NME5: variants seen among roughly 807,000 people sequenced by gnomAD.
NME5 encodes NME/NM23 family member 5.
A neutral mutation model predicts 21.6 loss-of-function variants in NME5; 18 were observed. The ratio of observed to expected loss-of-function variants is 0.83; its 90% CI spans 0.58 to 1.24. The LOEUF is 1.24. NME5 is among the 50% of genes most tolerant of loss of function. NME5 has a pLI of 0.00. For missense variants in NME5, 223 were observed against 255.4 expected (o/e 0.87, Z 0.86); for synonymous variants, 70 against 80.6 (o/e 0.87, Z 0.71).
At chr5:138,127,107 G>GA (rs1211215825) in intron 4 of NME5, among the ~76,000 whole-genome samples, 6 of 152,178 alleles carry the variant, frequency 3.9e-5, no homozygotes, top group Non-Finnish European at 7.4e-5. Context: ...ACTGCTTTGA[G>GA]AAAAAATATA....
At chr5:138,126,526 A>G (rs1210364218) in intron 4 of NME5, among the ~76,000 whole-genome samples, 3 of 150,274 alleles carry the variant, frequency 2.0e-5, no homozygotes, top group South Asian at 4.2e-4. Flanking sequence ...AAAAAAAAAA[A>G]AAAAAAAAAA....
At chr5:138,138,611 C>A (rs754952810) in intron 2 of NME5, 41 bp downstream of exon 2, 12 of 1,571,972 alleles carry the variant, frequency 7.6e-6, no homozygotes. Context: ...TTTTTAAGGG[C>A]AGAGAGGAAA....
chr5:138,117,204 C>CAAAAAAAAAAAAAAAA (rs34623624), intron 5 of NME5, among the ~76,000 whole-genome samples: 1 of 63,574 alleles, frequency 1.6e-5, no homozygotes, highest in Non-Finnish European at 2.8e-5. Flanking sequence ...GACCCTGTCT[C>CAAAAAAAAAAAAAAAA]AAAAAAAAAA....
chr5:138,131,107 C>T (rs1751554796), intron 2 of NME5, among the ~76,000 whole-genome samples: 1 of 149,834 alleles, frequency 6.7e-6, no homozygotes, highest in African/African-American at 2.5e-5. Flanking sequence ...TGACTCACGC[C>T]TGTAATCCCA....
intron 2 of NME5, among the ~76,000 whole-genome samples, chr5:138,133,534 G>A (rs964820733): frequency 2.0e-4 from 31 of 152,062 alleles, no homozygotes; most frequent in Middle Eastern, 3.2e-3. Context: ...GAACACACCC[G>A]ATCTCATCTG....
chr5:138,137,001 A>C (rs1377658005), intron 2 of NME5, among the ~76,000 whole-genome samples: 2 of 90,644 alleles, frequency 2.2e-5, no homozygotes, highest in Non-Finnish European at 5.0e-5. Context: ...AAGTCATAAC[A>C]AAAAAAAAAA....
chr5:138,128,711 A>C (rs1751490812), intron 3 of NME5, 132 bp from the exon 4 acceptor site: 1 of 587,558 alleles, frequency 1.7e-6, no homozygotes, highest in African/African-American at 1.9e-5. Context: ...ATTTATGTCA[A>C]ATTTAAGCTT....
intron 4 of NME5, among the ~76,000 whole-genome samples, chr5:138,123,942 T>C (rs1454242562): frequency 6.7e-6 from 1 of 148,272 alleles, no homozygotes. Context: ...TATCTCACCG[T>C]GGTTTTGATC....
At chr5:138,137,240 C>T (rs887474154) in intron 2 of NME5, among the ~76,000 whole-genome samples, 1 of 152,068 alleles carries the variant, frequency 6.6e-6, no homozygotes, top group African/African-American at 2.4e-5. Context: ...TTGTGCCATC[C>T]CTACTCTCGG....
At chr5:138,126,378 G>A (rs1751425299) in intron 4 of NME5, among the ~76,000 whole-genome samples, 1 of 151,638 alleles carries the variant, frequency 6.6e-6, no homozygotes, top group Admixed American at 6.6e-5. Context: ...AGGTGTGGTG[G>A]TGCACACCTG....
intron 2 of NME5, 108 bp from the exon 3 acceptor site, chr5:138,129,576 G>C: frequency 1.4e-6 from 1 of 710,050 alleles, no homozygotes; most frequent in Non-Finnish European, 2.4e-6. Flanking sequence ...ATAACTTCAA[G>C]GTTTATCTTT....
chr5:138,126,018 TAAGTA>T (rs778510651), intron 4 of NME5, among the ~76,000 whole-genome samples: 1 of 152,236 alleles, frequency 6.6e-6, no homozygotes, highest in Non-Finnish European at 1.5e-5. Flanking sequence ...CATCAACTGC[TAAGTA>T]AGAGGACGCT....
At chr5:138,132,658 G>T (rs759882243) in intron 2 of NME5, among the ~76,000 whole-genome samples, 1 of 152,136 alleles carries the variant, frequency 6.6e-6, no homozygotes, top group African/African-American at 2.4e-5. Flanking sequence ...CAGAAACTTG[G>T]TAAAATTGCT....
chr5:138,117,264 A>G (rs1406616251), intron 5 of NME5, among the ~76,000 whole-genome samples: 1 of 151,500 alleles, frequency 6.6e-6, no homozygotes, highest in Non-Finnish European at 1.5e-5. Context: ...CATAAAACAC[A>G]GGGGTAAATT....
At chr5:138,119,566 G>A (rs922982958) in intron 4 of NME5, among the ~76,000 whole-genome samples, 19 of 151,898 alleles carry the variant, frequency 1.3e-4, no homozygotes, top group African/African-American at 4.1e-4. Flanking sequence ...AACTCCTAAC[G>A]TCAAATAATC....
chr5:138,115,770 G>T lies in NME5; in HGVS notation c.556-6C>A, dbSNP rs2151155208. 1 of 1,549,050 alleles carries T rather than the reference G, an allele frequency of 6.5e-7. No homozygotes were observed. On this transcript the variant is annotated splice_polypyrimidine_tract_variant and splice_region_variant and intron_variant, in intron 5 of 5. Coordinates refer to ENST00000265191, the MANE Select transcript of NME5 (RefSeq NM_003551.3). ...AGCCAATCAGCTAGCCAAATCTATG[G>T]GAAAAAAAAAAACAACCTAAGTTAA...
chr5:138,128,649 A>G, intron 3 of NME5, 70 bp from the exon 4 acceptor site: 1 of 1,007,222 alleles, frequency 9.9e-7, no homozygotes, highest in South Asian at 1.6e-5. Context: ...CATGCATTCC[A>G]CTTAAGAATT....
At chr5:138,137,314 C>CTTTA (rs77202467) in intron 2 of NME5, among the ~76,000 whole-genome samples, 51,117 of 150,920 alleles carry the variant, frequency 0.34, 8,875 homozygotes, top group South Asian at 0.42. Context: ...GATATTTTCT[C>CTTTA]TTTATTTATT....
intron 4 of NME5, among the ~76,000 whole-genome samples, chr5:138,121,650 A>C (rs1193188218): frequency 6.6e-6 from 1 of 152,088 alleles, no homozygotes; most frequent in African/African-American, 2.4e-5. Flanking sequence ...CCAATAATCT[A>C]TATGTGTATC....
Sources: allele counts gnomAD v4.1 joint callset (sites outside exome capture counted in the v4.1 genomes callset), GRCh38; gene constraint gnomAD v4.1.1; transcripts MANE v1.5; gene names NCBI Gene and HGNC (gene_info 2026-07-23, HGNC 2026-07-21).